Variants in ROBO1 observed in about 807,000 individuals in gnomAD.
The protein encoded by ROBO1 is roundabout homolog 1.
ROBO1 carries 149 observed loss-of-function variants against 195.9 expected under a neutral mutation model. That is an observed-to-expected ratio of 0.76 (90% CI 0.67 to 0.87). The LOEUF (loss-of-function observed/expected upper bound fraction) is 0.87, where lower values mean the gene tolerates loss of function less well. ROBO1 is among the 40% of genes least tolerant of loss of function. The probability of loss-of-function intolerance (pLI) is 0.00; values close to 1 mark genes in which losing one functional copy is unlikely to be tolerated. For synonymous variants in ROBO1, 816 were observed against 733.2 expected, an observed-to-expected ratio of 1.11 and a Z score of -1.82; for missense variants, 1,933 against 2,068.3, an observed-to-expected ratio of 0.93 and a Z score of 1.27.
chr3:78,907,034 G>C (rs1476106418), intron 4 of ROBO1, among the ~76,000 whole-genome samples: 1 of 152,048 alleles, frequency 6.6e-6, no homozygotes, highest in Non-Finnish European at 1.5e-5. Flanking sequence ...TTGGGAAAGG[G>C]AGAAGTATTT....
chr3:79,215,700 G>A (rs1328175216), intron 2 of ROBO1, among the ~76,000 whole-genome samples: 1 of 152,180 alleles, frequency 6.6e-6, no homozygotes, highest in African/African-American at 2.4e-5. Context: ...GCATGTGGGT[G>A]TATGATTACT....
intron 1 of ROBO1, among the ~76,000 whole-genome samples, chr3:79,648,631 C>T (rs957639423): frequency 6.6e-6 from 1 of 151,936 alleles, no homozygotes; most frequent in Non-Finnish European, 1.5e-5. Context: ...ACAACAATGA[C>T]CACCATAAAT....
intron 2 of ROBO1, among the ~76,000 whole-genome samples, chr3:79,583,559 T>C (rs1463820983): frequency 1.3e-5 from 2 of 151,984 alleles, no homozygotes; most frequent in Admixed American, 6.6e-5. Flanking sequence ...AGAAACCATC[T>C]ATAAATGTAC....
chr3:79,669,001 C>T (rs1227369286), intron 1 of ROBO1, among the ~76,000 whole-genome samples: 2 of 151,816 alleles, frequency 1.3e-5, no homozygotes, highest in African/African-American at 2.4e-5. Flanking sequence ...GAGTTGAAAA[C>T]TTTCTATCAC....
At position 79,127,240 on chromosome 3, in the gene ROBO1, A is replaced by G. The variant is rs1025297512; in HGVS notation, c.89-1701T>C. 7.2e-5 allele frequency among the ~76,000 whole-genome samples: 11 copies of G among 152,254 alleles called. No individual in the cohort carries two copies. The East Asian group carries it at 1.9e-3, about 27-fold the overall frequency. On this transcript the variant is annotated intron_variant, in intron 2 of 30. Coordinates refer to ENST00000464233, the MANE Select transcript of ROBO1 (RefSeq NM_002941.4). ...GCCACATCAGTGAGAAAGAATGGGG[A>G]GCAGGCATTTTTGTGTGTTTTGAGG... is the stretch of plus-strand genomic sequence containing the variant.
chr3:78,638,662 G>A (rs1480785520), intron 22 of ROBO1, among the ~76,000 whole-genome samples: 1 of 152,006 alleles, frequency 6.6e-6, no homozygotes, highest in Non-Finnish European at 1.5e-5. Context: ...CTGAGCCCAG[G>A]AATTTGAGAC....
chr3:79,181,555 C>G (rs2081339839), intron 2 of ROBO1, among the ~76,000 whole-genome samples: 1 of 152,158 alleles, frequency 6.6e-6, no homozygotes. Flanking sequence ...AACTCTTACA[C>G]TAACTCTTTT....
chr3:79,743,982 A>T (rs915259579), intron 1 of ROBO1, among the ~76,000 whole-genome samples: 4 of 152,142 alleles, frequency 2.6e-5, no homozygotes, highest in Non-Finnish European at 4.4e-5. Flanking sequence ...GTAGGAGTAC[A>T]TTCTAAAATA....
chr3:79,436,395 A>G (rs1430896923), intron 2 of ROBO1, among the ~76,000 whole-genome samples: 1 of 152,034 alleles, frequency 6.6e-6, no homozygotes, highest in African/African-American at 2.4e-5. Context: ...ATTAAAAATT[A>G]TAATTCCCCT....
At chr3:79,733,401 T>A (rs1269358414) in intron 1 of ROBO1, among the ~76,000 whole-genome samples, 1 of 152,204 alleles carries the variant, frequency 6.6e-6, no homozygotes, top group Non-Finnish European at 1.5e-5. Context: ...TTTTCCCTTG[T>A]GAGAAAAATT....
At chr3:78,870,646 A>G (rs2035489332) in intron 4 of ROBO1, among the ~76,000 whole-genome samples, 1 of 152,204 alleles carries the variant, frequency 6.6e-6, no homozygotes, top group Admixed American at 6.5e-5. Context: ...CTTCCTCTGT[A>G]AACAGGAATC....
intron 3 of ROBO1, among the ~76,000 whole-genome samples, chr3:79,057,584 C>T (rs895864422): frequency 2.8e-4 from 43 of 152,160 alleles, no homozygotes; most frequent in African/African-American, 9.6e-4. Context: ...TTCTTTTTCT[C>T]CTTACAAACC....
chr3:79,290,370 CT>C (rs960175563), intron 2 of ROBO1, among the ~76,000 whole-genome samples: 25 of 152,106 alleles, frequency 1.6e-4, no homozygotes, highest in Admixed American at 1.5e-3. Context: ...CTCGTTTATG[CT>C]TGTGGTCTTG....
chr3:79,462,304 C>T (rs1937685550), intron 2 of ROBO1, among the ~76,000 whole-genome samples: 1 of 151,910 alleles, frequency 6.6e-6, no homozygotes, highest in Non-Finnish European at 1.5e-5. Flanking sequence ...TCTATTTTGT[C>T]ATTAAACATA....
chr3:78,821,290 C>G (rs535634659), intron 4 of ROBO1, among the ~76,000 whole-genome samples: 16 of 151,614 alleles, frequency 1.1e-4, no homozygotes, highest in Admixed American at 5.3e-4. Flanking sequence ...CTCAGCCTCC[C>G]GAGTAACTGG....
At chr3:79,723,902 C>G in intron 1 of ROBO1, among the ~76,000 whole-genome samples, 1 of 152,278 alleles carries the variant, frequency 6.6e-6, no homozygotes, top group East Asian at 1.9e-4. Flanking sequence ...GTTACTCCAA[C>G]ACTGACAGAA....
chr3:78,728,425 A>G (rs527356393), intron 5 of ROBO1, among the ~76,000 whole-genome samples: 6 of 144,814 alleles, frequency 4.1e-5, no homozygotes, highest in Admixed American at 7.2e-5. Context: ...GTATACCAAT[A>G]TTCATAAGAT....
intron 1 of ROBO1, among the ~76,000 whole-genome samples, chr3:79,655,303 A>G (rs941918456): frequency 1.3e-5 from 2 of 152,020 alleles, no homozygotes; most frequent in Admixed American, 6.6e-5. Flanking sequence ...TTTTCTGACC[A>G]TATCAACAGG....
Position 78,711,345 on chromosome 3 carries a change from TTCC to T in ROBO1, c.1045+3049_1045+3051del, listed in dbSNP as rs754619260. ...TCTCTCTCCTTCCTTCCTTCCTTCC[TTCC>T]TCCTTCCTTCCTTCCTTCCTTCCTT... On this transcript the variant is annotated intron_variant, in intron 8 of 30. Transcript: ENST00000464233. Among the ~76,000 whole-genome samples the T allele has an allele frequency of 2.7e-3, 132 of 49,440 alleles. 2 individuals carry two copies. The highest frequency in any genetic ancestry group is 0.01 in the African/African-American group (116 of 11,518). The allele number at this position is 49,440 out of a possible 152,430, so 32.4% of individuals were successfully genotyped here.
Sources: allele counts gnomAD v4.1 joint callset (sites outside exome capture counted in the v4.1 genomes callset), GRCh38; gene constraint gnomAD v4.1.1; transcripts MANE v1.5; gene names NCBI Gene and HGNC (gene_info 2026-07-23, HGNC 2026-07-21).